Variants in PLEKHA8 observed in about 807,000 individuals in gnomAD.
The protein encoded by PLEKHA8 is pleckstrin homology domain-containing family A member 8.
Under a neutral mutation model 68.2 loss-of-function variants are expected in PLEKHA8, and 36 were observed. The ratio of observed to expected loss-of-function variants is 0.53; its 90% confidence interval spans 0.40 to 0.70. PLEKHA8 has a LOEUF of 0.70. Among genes scored for constraint, PLEKHA8 ranks in the 30% least tolerant of loss-of-function variants. The probability of loss-of-function intolerance (pLI) is 0.00; values close to 1 mark genes in which losing one functional copy is unlikely to be tolerated. For missense variants in PLEKHA8, 505 were observed against 615.4 expected (o/e 0.82, Z 1.90); for synonymous variants, 211 against 216.1 (o/e 0.98, Z 0.20).
chr7:30,107,434 A>G (rs1464020169), intron 13 of PLEKHA8, among the ~76,000 whole-genome samples: 1 of 152,046 alleles, frequency 6.6e-6, no homozygotes, highest in African/African-American at 2.4e-5. Context: ...GAATTTGTTA[A>G]TATACCTGTT....
intron 1 of PLEKHA8, 55 bp downstream of exon 1, chr7:30,028,857 G>A (rs962647302): frequency 8.0e-6 from 10 of 1,246,568 alleles, no homozygotes; most frequent in Non-Finnish European, 1.0e-5. Context: ...TTGTCTGCGC[G>A]GCTGGAGGGC....
chr7:30,090,289 A>G (rs1795363215), exon 13 of PLEKHA8: 1 of 1,303,142 alleles, frequency 7.7e-7, no homozygotes, highest in Non-Finnish European at 1.1e-6. Flanking sequence ...TTTCCACAAG[A>G]TTCTGTGACG....
At chr7:30,033,508 C>T (rs1790817821) in intron 1 of PLEKHA8, among the ~76,000 whole-genome samples, 1 of 152,022 alleles carries the variant, frequency 6.6e-6, no homozygotes, top group Admixed American at 6.5e-5. Flanking sequence ...TATATGTATA[C>T]CATATTTAGT....
chr7:30,050,457 T>C lies in PLEKHA8; in HGVS notation c.621T>C (p.Ile207=), dbSNP rs1207498359. The change falls in exon 6 of 14, where the codon ATT becomes ATC. Residue 207 remains isoleucine, a synonymous_variant. Coordinates refer to ENST00000449726, the MANE Select transcript of PLEKHA8 (RefSeq NM_001197026.2). ...SSKMKHPIIP[I]HNSLERQMEL... is the part of the protein sequence containing the mutation. The stretch of plus-strand genomic sequence containing the variant: ...AGATGAAACATCCTATTATACCAAT[T>C]CATAATTCATTGGAAAGGTACAGTA... 6.3e-7 allele frequency: 1 copy of C among 1,578,618 alleles called. No homozygotes were observed. The highest frequency in any genetic ancestry group is 1.2e-5 in the South Asian group (1 of 84,118).
intron 9 of PLEKHA8, among the ~76,000 whole-genome samples, chr7:30,057,743 G>A (rs928853379): frequency 2.6e-5 from 4 of 152,196 alleles, no homozygotes; most frequent in Non-Finnish European, 5.9e-5. Flanking sequence ...TTACAGGAGT[G>A]AGCCACTGCT....
downstream of PLEKHA8, chr7:30,129,822 T>A (rs1796843232): frequency 6.4e-6 from 1 of 155,162 alleles, no homozygotes; most frequent in Middle Eastern, 3.4e-3. Flanking sequence ...GATCACACAA[T>A]TAATTAGTGG....
At position 30,078,957 on chromosome 7, in the gene PLEKHA8, T is replaced by G; in HGVS notation, c.*170T>G. ...ATAATTTTTAAAATGCATATGTGTT[T>G]TGTTTAAAGATCAAGGTGCTATATA... On this transcript the variant is annotated 3_prime_UTR_variant, in exon 14 of 14. Coordinates refer to ENST00000449726, the MANE Select transcript of PLEKHA8 (RefSeq NM_001197026.2). 1 of 1,417,278 alleles carries G rather than the reference T, an allele frequency of 7.1e-7. No individual in the cohort carries two copies. Among genetic ancestry groups the G allele is most frequent in the Non-Finnish European group, 9.2e-7 (1 of 1,089,912 alleles). 87.8% of individuals were successfully genotyped at this position (1,417,278 alleles called of 1,614,324 possible).
In PLEKHA8 at chr7:30,079,306, G is replaced by T; in HGVS notation, c.*519G>T. The T allele has an allele frequency of 1.0e-6, 1 of 988,394 alleles. No homozygotes were observed. Among genetic ancestry groups the T allele is most frequent in the Non-Finnish European group, 1.2e-6 (1 of 831,910 alleles). The allele number at this position is 988,394 out of a possible 1,614,324, so 61.2% of individuals were successfully genotyped here. On this transcript the variant is annotated 3_prime_UTR_variant, in exon 14 of 14. Transcript: ENST00000449726. ...CACTGCAACTCTGTCAGTGATAAGG[G>T]CCTGTGTAGTAAAGATGTTCAGGGC...
At chr7:30,115,963 CATACATGTGCATGCATGCATGTATGCAT>C (rs1796497295) in intron 13 of PLEKHA8, 3 of 141,210 alleles carry the variant, frequency 2.1e-5, no homozygotes, top group African/African-American at 7.8e-5. Flanking sequence ...TACATGCATG[CATACATGTGCATGCATGCATGTATGCAT>C]ACGCATACAT....
At chr7:30,035,525 G>A (rs977480575) in intron 1 of PLEKHA8, among the ~76,000 whole-genome samples, 1 of 151,932 alleles carries the variant, frequency 6.6e-6, no homozygotes, top group African/African-American at 2.4e-5. Context: ...ATAATTATTG[G>A]CCATTGCTGT....
At chr7:30,074,636 G>C (rs576144970) in intron 13 of PLEKHA8, among the ~76,000 whole-genome samples, 1 of 152,198 alleles carries the variant, frequency 6.6e-6, no homozygotes, top group East Asian at 1.9e-4. Context: ...TCCCTCTGCT[G>C]CCCATTGTAT....
chr7:30,060,915 T>G lies in PLEKHA8; in HGVS notation c.1071T>G (p.Val357=), dbSNP rs1049698542. Residue 357 remains valine, a synonymous_variant, in exon 10 of 14, where the codon GTT becomes GTG. Transcript: ENST00000449726. ...DKLGPTVFAP[V]KMDLVGNIKK... ...TTGGCCCTACAGTGTTTGCTCCTGT[T>G]AAGATGGATCTTGTTGGAAATATTA... 6.2e-7 allele frequency: 1 copy of G among 1,613,692 alleles called. No individual in the cohort carries two copies. The highest frequency in any genetic ancestry group is 2.2e-5 in the East Asian group (1 of 44,828).
At chr7:30,106,618 C>T (rs1796066126) in intron 13 of PLEKHA8, among the ~76,000 whole-genome samples, 1 of 152,170 alleles carries the variant, frequency 6.6e-6, no homozygotes, top group Non-Finnish European at 1.5e-5. Context: ...TTTGCCCCCT[C>T]CCCTGCACCT....
intron 1 of PLEKHA8, among the ~76,000 whole-genome samples, chr7:30,035,231 T>C (rs1477149693): frequency 6.6e-6 from 1 of 152,232 alleles, no homozygotes; most frequent in African/African-American, 2.4e-5. Context: ...TTACTTAATC[T>C]TCCTGAGTCT....
intron 13 of PLEKHA8, among the ~76,000 whole-genome samples, chr7:30,100,577 A>G (rs1335546113): frequency 6.6e-6 from 1 of 152,098 alleles, no homozygotes; most frequent in Non-Finnish European, 1.5e-5. Context: ...TAATTAATTA[A>G]ATAAATCTTA....
intron 12 of PLEKHA8, among the ~76,000 whole-genome samples, chr7:30,063,460 AT>A (rs1204878907): frequency 6.6e-6 from 1 of 152,198 alleles, no homozygotes; most frequent in Non-Finnish European, 1.5e-5. Flanking sequence ...TCTATAGGAA[AT>A]TCTTCTAGCA....
intron 12 of PLEKHA8, among the ~76,000 whole-genome samples, chr7:30,068,573 A>G (rs547121613): frequency 2.0e-5 from 3 of 150,722 alleles, no homozygotes; most frequent in African/African-American, 7.3e-5. Flanking sequence ...TTCTTTATCA[A>G]CTCCTGGGAG....
At chr7:30,029,226 C>T (rs2127954311) in intron 1 of PLEKHA8, among the ~76,000 whole-genome samples, 1 of 152,338 alleles carries the variant, frequency 6.6e-6, no homozygotes, top group East Asian at 1.9e-4. Flanking sequence ...CCTGGAATTC[C>T]ACAGCGGAAA....
chr7:30,085,182 G>A (rs990212474), downstream of PLEKHA8, among the ~76,000 whole-genome samples: 7 of 151,896 alleles, frequency 4.6e-5, no homozygotes, highest in African/African-American at 7.3e-5. Context: ...CAAGTGATCC[G>A]CCCACCTCAG....
Sources: gnomAD v4.1 joint callset for allele counts (sites outside exome capture counted in the v4.1 genomes callset) on GRCh38, gnomAD v4.1.1 for gene constraint, MANE v1.5 for transcripts, NCBI Gene and HGNC (gene_info 2026-07-23, HGNC 2026-07-21) for gene names.